The following CDC42BPA variants were observed in gnomAD, a reference collection of about 807,000 sequenced individuals.
CDC42BPA encodes CDC42 binding protein kinase alpha.
In CDC42BPA, 80 loss-of-function variants were observed where a neutral mutation model predicts 223.5. The observed-to-expected ratio is 0.36, with a 90% confidence interval of 0.30 to 0.43. The LOEUF is 0.43. CDC42BPA is among the 20% of genes least tolerant of loss of function. The probability of loss-of-function intolerance (pLI) is 1.00; values close to 1 mark genes in which losing one functional copy is unlikely to be tolerated. For synonymous variants in CDC42BPA, 694 were observed against 718.6 expected (o/e 0.97, Z 0.55); for missense variants, 1,743 against 2,099.9 (o/e 0.83, Z 3.32).
At chr1:227,078,936 A>G (rs1285776431) in intron 17 of CDC42BPA, among the ~76,000 whole-genome samples, 1 of 152,140 alleles carries the variant, frequency 6.6e-6, no homozygotes, top group East Asian at 1.9e-4. Context: ...ACTGTTAAGT[A>G]TAACGCAAAC....
chr1:227,056,019 G>A (rs1674471198), intron 21 of CDC42BPA, among the ~76,000 whole-genome samples: 1 of 152,072 alleles, frequency 6.6e-6, no homozygotes, highest in Non-Finnish European at 1.5e-5. Flanking sequence ...ATCCTCAAAT[G>A]TATTTTTACA....
At chr1:227,295,429 G>T (rs1425175485) in intron 1 of CDC42BPA, among the ~76,000 whole-genome samples, 2 of 151,832 alleles carry the variant, frequency 1.3e-5, no homozygotes, top group African/African-American at 2.4e-5. Flanking sequence ...AAAGTGCTGG[G>T]ATTACAGGCA....
chr1:227,040,099 G>T, intron 24 of CDC42BPA, 32 bp downstream of exon 24: 1 of 1,208,764 alleles, frequency 8.3e-7, no homozygotes, highest in Non-Finnish European at 1.2e-6. Context: ...TTTAGATAGT[G>T]AAGTCACATT....
At chr1:227,159,392 AGAAGAATCACTT>A (rs1663429199) in intron 6 of CDC42BPA, among the ~76,000 whole-genome samples, 1 of 152,178 alleles carries the variant, frequency 6.6e-6, no homozygotes. Context: ...AGGCTGAGGC[AGAAGAATCACTT>A]GAACTCAGGA....
chr1:227,232,050 T>A (rs1038560701), intron 2 of CDC42BPA, among the ~76,000 whole-genome samples: 2 of 152,238 alleles, frequency 1.3e-5, no homozygotes, highest in African/African-American at 4.8e-5. Context: ...AGTCATGAAG[T>A]CCTTGCCCAT....
intron 1 of CDC42BPA, among the ~76,000 whole-genome samples, chr1:227,303,329 T>G (rs527436826): frequency 1.3e-5 from 2 of 152,306 alleles, no homozygotes; most frequent in African/African-American, 4.8e-5. Context: ...TCTTCTAATC[T>G]CCTGTCCTAA....
chr1:227,078,593 GAGA>G (rs1307422736), intron 17 of CDC42BPA, among the ~76,000 whole-genome samples: 3 of 152,084 alleles, frequency 2.0e-5, no homozygotes, highest in Non-Finnish European at 4.4e-5. Context: ...TAACGGCGGT[GAGA>G]AGATGTCCTT....
At chr1:227,141,294 G>A (rs1309268215) in intron 9 of CDC42BPA, among the ~76,000 whole-genome samples, 2 of 152,144 alleles carry the variant, frequency 1.3e-5, no homozygotes, top group Non-Finnish European at 2.9e-5. Context: ...CAGAGACATG[G>A]TTGATAAGAG....
At chr1:227,201,187 C>T (rs1361341906) in intron 3 of CDC42BPA, among the ~76,000 whole-genome samples, 1 of 151,940 alleles carries the variant, frequency 6.6e-6, no homozygotes, top group African/African-American at 2.4e-5. Flanking sequence ...CACTCTATTG[C>T]CCAAGCTGGA....
chr1:227,242,411 T>C (rs755426331), intron 2 of CDC42BPA, among the ~76,000 whole-genome samples: 142 of 151,978 alleles, frequency 9.3e-4, no homozygotes, highest in Non-Finnish European at 1.6e-3. Context: ...ATCTTCTCTA[T>C]TACAATAATA....
At chr1:227,283,672 C>G (rs919174087) in intron 1 of CDC42BPA, among the ~76,000 whole-genome samples, 1 of 152,102 alleles carries the variant, frequency 6.6e-6, no homozygotes, top group African/African-American at 2.4e-5. Flanking sequence ...GGATACAATG[C>G]CCAGTATTTG....
At chr1:227,196,919 T>C (rs1253519765) in intron 4 of CDC42BPA, among the ~76,000 whole-genome samples, 1 of 152,194 alleles carries the variant, frequency 6.6e-6, no homozygotes, top group Non-Finnish European at 1.5e-5. Flanking sequence ...ATAAAAATTT[T>C]ATGTGTCAAT....
At chr1:227,282,758 T>C (rs181137392) in intron 1 of CDC42BPA, among the ~76,000 whole-genome samples, 19 of 152,344 alleles carry the variant, frequency 1.2e-4, no homozygotes, top group African/African-American at 3.4e-4. Context: ...AATACTGTTA[T>C]GATTCTACTC....
At position 226,991,206 on chromosome 1, in the gene CDC42BPA, C is replaced by G. The variant is rs1258835366; in HGVS notation, c.*3062G>C. On this transcript the variant is annotated 3_prime_UTR_variant, in exon 37 of 37. Coordinates refer to ENST00000366766, the MANE Select transcript of CDC42BPA (RefSeq NM_001394014.1). Reference sequence around the variant, plus strand: ...CCAAATACTAACACAGATAGACTATCCCAGAAATGCCTCTGAATGTATTTT... The same window carrying G: ...CCAAATACTAACACAGATAGACTATGCCAGAAATGCCTCTGAATGTATTTT... 2 of 152,690 alleles carry G rather than the reference C, an allele frequency of 1.3e-5. No individual in the cohort carries two copies. Among genetic ancestry groups the G allele is most frequent in the Non-Finnish European group, 2.9e-5 (2 of 68,020 alleles). The allele number at this position is 152,690 out of a possible 1,614,324, so 9.5% of individuals were successfully genotyped here. A position where few individuals can be genotyped will look rare whatever the true frequency, so the allele number is the denominator to read the frequency against.
At chr1:227,094,461 T>C in intron 15 of CDC42BPA, among the ~76,000 whole-genome samples, 1 of 152,194 alleles carries the variant, frequency 6.6e-6, no homozygotes, top group East Asian at 1.9e-4. Context: ...CAAACAACTT[T>C]GTATCAGCCC....
chr1:227,062,830 T>TA (rs200922598), intron 21 of CDC42BPA, among the ~76,000 whole-genome samples: 36,090 of 138,336 alleles, frequency 0.26, 4,388 homozygotes, highest in Middle Eastern at 0.34. Flanking sequence ...ATGTTTAACA[T>TA]AAAAAAAAAA....
intron 1 of CDC42BPA, among the ~76,000 whole-genome samples, chr1:227,273,297 CA>C (rs34091853): frequency 0.12 from 17,805 of 147,572 alleles, 1,265 homozygotes; most frequent in South Asian, 0.21. Flanking sequence ...GACTCTGTCT[CA>C]AAAAAAAGGC....
At chr1:227,163,743 AT>A (rs58977807) in intron 5 of CDC42BPA, among the ~76,000 whole-genome samples, 28,219 of 140,134 alleles carry the variant, frequency 0.2, 2,869 homozygotes, top group East Asian at 0.35. Context: ...AAAAAAAAAA[AT>A]ATATATATAT....
intron 1 of CDC42BPA, among the ~76,000 whole-genome samples, chr1:227,263,531 T>C (rs1412936516): frequency 1.3e-5 from 2 of 152,078 alleles, no homozygotes; most frequent in Non-Finnish European, 1.5e-5. Context: ...TTTTCTTTTA[T>C]GCCCACTATA....
Sources: gnomAD v4.1 joint callset for allele counts (sites outside exome capture counted in the v4.1 genomes callset) on GRCh38, gnomAD v4.1.1 for gene constraint, MANE v1.5 for transcripts, NCBI Gene and HGNC (gene_info 2026-07-23, HGNC 2026-07-21) for gene names.